DHRSX: variants seen among roughly 807,000 people sequenced by gnomAD.
DHRSX encodes the protein dehydrogenase/reductase X-linked.
DHRSX carries 31 observed loss-of-function variants against 34.0 expected under a neutral mutation model. The observed-to-expected ratio is 0.91, with a 90% CI of 0.69 to 1.23. The LOEUF (loss-of-function observed/expected upper bound fraction) is 1.23, where lower values mean the gene tolerates loss of function less well. Ranked by LOEUF, DHRSX falls within the 50% of genes most tolerant of loss-of-function variation. DHRSX has a pLI of 0.00. For synonymous variants in DHRSX, 201 were observed against 183.8 expected, an observed-to-expected ratio of 1.09 and a Z score of -0.76; for missense variants, 414 against 428.1, an observed-to-expected ratio of 0.97 and a Z score of 0.29.
chrX:2,402,164 G>C (rs1222372427), intron 3 of DHRSX, among the ~76,000 whole-genome samples: 1 of 152,188 alleles, frequency 6.6e-6, no homozygotes, highest in African/African-American at 2.4e-5. Flanking sequence ...TGTGCTCCTG[G>C]AGTCAGGACG....
chrX:2,463,990 G>T (rs1317207908), intron 1 of DHRSX, among the ~76,000 whole-genome samples: 1 of 152,170 alleles, frequency 6.6e-6, no homozygotes, highest in Admixed American at 6.5e-5. Flanking sequence ...TGTACACACT[G>T]AAGACATTCG....
chrX:2,366,624 GTC>G (rs1462365584), intron 3 of DHRSX, among the ~76,000 whole-genome samples: 1 of 152,022 alleles, frequency 6.6e-6, no homozygotes, highest in Non-Finnish European at 1.5e-5. Flanking sequence ...CTGTGACACT[GTC>G]TCATTCCATC....
rs961446164 is a variant in DHRSX at position 2,474,361 on chromosome X, G to A, written c.109+26456C>T. On this transcript the variant is annotated intron_variant, in intron 1 of 6. Transcript: ENST00000334651. The stretch of plus-strand genomic sequence containing the variant: ...ACACTGAAGATGTTCCCTAAGAATG[G>A]GGCCAAGGGACCACTGCCATGTACA... Among the ~76,000 whole-genome samples, 3 of 150,378 alleles carry A rather than the reference G, an allele frequency of 2.0e-5. No homozygotes were observed. In the East Asian group the frequency reaches 5.9e-4, roughly 30 times the overall value.
intron 1 of DHRSX, among the ~76,000 whole-genome samples, chrX:2,480,668 A>AC (rs1488723029): frequency 6.6e-6 from 1 of 151,936 alleles, no homozygotes; most frequent in African/African-American, 2.4e-5. Flanking sequence ...AAACTTAAAA[A>AC]ATTAACCAGG....
rs2015479637 is a variant in DHRSX, at chrX:2,219,541, A to ATTT, written c.*1497_*1499dup. 1 of 152,000 alleles carries ATTT rather than the reference A, an allele frequency of 6.6e-6. No individual in the cohort carries two copies. The highest frequency in any genetic ancestry group is 1.5e-5 in the Non-Finnish European group (1 of 68,006). 9.4% of individuals were successfully genotyped at this position (152,000 alleles called of 1,614,324 possible). On this transcript the variant is annotated 3_prime_UTR_variant, in exon 7 of 7. Transcript: ENST00000334651. Reference sequence around the variant, plus strand: ...AAAGAGGCCAAACAATACATTTATTATTTTCATTTAAGTTGCTTATCAGGG... The same window carrying ATTT: ...AAAGAGGCCAAACAATACATTTATTATTTTTTTCATTTAAGTTGCTTATCAGGG...
chrX:2,429,451 CTTT>C (rs55923527), intron 1 of DHRSX, among the ~76,000 whole-genome samples: 86 of 145,668 alleles, frequency 5.9e-4, no homozygotes, highest in African/African-American at 1.3e-3. Context: ...CTCTGTGATG[CTTT>C]TTTTTTTTTT....
chrX:2,500,847 G>A lies in DHRSX; in HGVS notation c.79C>T (p.Arg27Trp), dbSNP rs1360012899. The A allele has an allele frequency of 4.4e-6, 5 of 1,139,004 alleles. No homozygotes were observed. Among genetic ancestry groups the A allele is most frequent in the Admixed American group, 4.7e-5 (1 of 21,440 alleles). The allele number at this position is 1,139,004 out of a possible 1,614,324, so 70.6% of individuals were successfully genotyped here. Residue 27 changes from arginine (R) to tryptophan (W), a missense_variant, in exon 1 of 7, where the codon CGG becomes TGG. Transcript: ENST00000334651. ...GAAVILAQLL[R>W]RCRGGFLEPV... ...TCCAGGAAGCCCCCGCGGCAGCGCC[G>A]CAGCAGCTGCGCCAGGATCACCGCG... is the stretch of plus-strand genomic sequence containing the variant.
intron 3 of DHRSX, among the ~76,000 whole-genome samples, chrX:2,333,379 G>C (rs1265961031): frequency 6.6e-6 from 1 of 152,096 alleles, no homozygotes; most frequent in African/African-American, 2.4e-5. Flanking sequence ...TGGGAGTTTG[G>C]TGTACAGATT....
At chrX:2,228,572 G>A (rs1164591108) in intron 6 of DHRSX, among the ~76,000 whole-genome samples, 2 of 150,810 alleles carry the variant, frequency 1.3e-5, no homozygotes, top group African/African-American at 2.4e-5. Flanking sequence ...AGGGAGGGAG[G>A]AATTTATTCC....
At chrX:2,257,538 T>G (rs1248412354) in intron 5 of DHRSX, among the ~76,000 whole-genome samples, 1 of 152,208 alleles carries the variant, frequency 6.6e-6, no homozygotes, top group Non-Finnish European at 1.5e-5. Context: ...GCGTATCTCA[T>G]GGACTGAATT....
chrX:2,432,286 A>G (rs1447692975), intron 1 of DHRSX, among the ~76,000 whole-genome samples: 15 of 152,190 alleles, frequency 9.9e-5, no homozygotes, highest in Non-Finnish European at 2.1e-4. Context: ...TGTCAGAATG[A>G]CCCAAGTCAA....
At chrX:2,304,065 G>GGATGGATGGA (rs1569485819) in intron 3 of DHRSX, among the ~76,000 whole-genome samples, 2 of 59,168 alleles carry the variant, frequency 3.4e-5, no homozygotes, top group Non-Finnish European at 3.8e-5. Context: ...GGATGGATGG[G>GGATGGATGGA]TGGATGGATG....
rs192301847 is a variant in DHRSX at position 2,333,924 on chromosome X, G to C, written c.287-42321C>G. 5.4e-3 allele frequency among the ~76,000 whole-genome samples: 829 copies of C among 152,220 alleles called. 16 individuals carry two copies. Among genetic ancestry groups the C allele is most frequent in the African/African-American group, 0.019 (797 of 41,534 alleles). On this transcript the variant is annotated intron_variant, in intron 3 of 6. Transcript: ENST00000334651. ...TCCATGTTCCTGCAAAAAATAATAA[G>C]ATCTTGTTCTTTTTTACAGCTGCAC...
chrX:2,243,793 T>TTTTTTGTTTTGTTTTG, intron 5 of DHRSX, among the ~76,000 whole-genome samples: 1 of 33,552 alleles, frequency 3.0e-5, no homozygotes, highest in African/African-American at 2.1e-4. Flanking sequence ...TCCCTGTTTT[T>TTTTTTGTTTTGTTTTG]TTTTTTTTTT....
intron 3 of DHRSX, among the ~76,000 whole-genome samples, chrX:2,359,371 C>G (rs745791597): frequency 6.6e-6 from 1 of 152,140 alleles, no homozygotes; most frequent in Non-Finnish European, 1.5e-5. Flanking sequence ...CAGTGGTAGA[C>G]AGAATAAAGA....
chrX:2,239,306 G>A (rs1428904987), intron 6 of DHRSX, among the ~76,000 whole-genome samples: 1 of 151,578 alleles, frequency 6.6e-6, no homozygotes, highest in Non-Finnish European at 1.5e-5. Context: ...AGAGGTGGGA[G>A]AATCACTTGA....
At chrX:2,453,752 G>T (rs2044258019) in intron 1 of DHRSX, among the ~76,000 whole-genome samples, 1 of 148,742 alleles carries the variant, frequency 6.7e-6, no homozygotes, top group Admixed American at 6.7e-5. Flanking sequence ...CCACAGTGAT[G>T]ATAGTTAATA....
chrX:2,459,516 T>TAGAGAG lies in DHRSX; in HGVS notation c.110-34218_110-34213dup, dbSNP rs750009785. On this transcript the variant is annotated intron_variant, in intron 1 of 6. Transcript: ENST00000334651. ...TGGATTAAAACATCATATTGTACCATAGAGAGAGAGAGAGAGAGAATGTGT... is the reference window on the plus strand; with the variant it reads ...TGGATTAAAACATCATATTGTACCATAGAGAGAGAGAGAGAGAGAGAGAGAATGTGT... Among the ~76,000 whole-genome samples, 24 of 139,946 alleles carry TAGAGAG rather than the reference T, an allele frequency of 1.7e-4. No individual in the cohort carries two copies. In the Admixed American group the frequency reaches 1.7e-3, roughly 10 times the overall value. 91.8% of individuals were successfully genotyped at this position (139,946 alleles called of 152,430 possible).
intron 4 of DHRSX, among the ~76,000 whole-genome samples, chrX:2,277,249 A>G (rs779484659): frequency 1.2e-4 from 1 of 8,486 alleles, no homozygotes; most frequent in Non-Finnish European, 5.2e-4. Context: ...AAATGGGGGA[A>G]AGAGAGAAAG....
Sources: gnomAD v4.1 joint callset for allele counts (sites outside exome capture counted in the v4.1 genomes callset) on GRCh38, gnomAD v4.1.1 for gene constraint, MANE v1.5 for transcripts, NCBI Gene and HGNC (gene_info 2026-07-23, HGNC 2026-07-21) for gene names.